HERC4: variants seen among roughly 807,000 people sequenced by gnomAD.
HERC4 encodes HECT and RLD domain containing E3 ubiquitin protein ligase 4.
HERC4 carries 28 observed loss-of-function variants against 124.3 expected under a neutral mutation model. That is an observed-to-expected ratio of 0.23 (90% CI 0.17 to 0.31). The LOEUF (loss-of-function observed/expected upper bound fraction) is 0.31, where lower values mean the gene tolerates loss of function less well. Among genes scored for constraint, HERC4 ranks in the 10% least tolerant of loss-of-function variants. The pLI is 1.00. For missense variants in HERC4, 713 were observed against 1,229.3 expected, an observed-to-expected ratio of 0.58 and a Z score of 6.28; for synonymous variants, 407 against 421.5, an observed-to-expected ratio of 0.97 and a Z score of 0.42.
chr10:68,069,097 A>C, intron 3 of HERC4: 2 of 983,178 alleles, frequency 2.0e-6, no homozygotes, highest in Non-Finnish European at 2.4e-6. Flanking sequence ...TCAATGTGCA[A>C]AACATAACCA....
chr10:67,986,421 C>G (rs548049555), intron 15 of HERC4, among the ~76,000 whole-genome samples: 12 of 152,280 alleles, frequency 7.9e-5, no homozygotes, highest in African/African-American at 2.4e-4. Flanking sequence ...GGTATGATCT[C>G]AGCTCACTGC....
Position 67,991,203 on chromosome 10 carries a change from A to G in HERC4, c.1272-4T>C. The G allele has an allele frequency of 1.3e-6, 2 of 1,507,320 alleles. No individual in the cohort carries two copies. Among genetic ancestry groups the G allele is most frequent in the Non-Finnish European group, 1.8e-6 (2 of 1,125,042 alleles). 93.4% of individuals were successfully genotyped at this position (1,507,320 alleles called of 1,614,324 possible). A position where few individuals can be genotyped will look rare whatever the true frequency, so the allele number is the denominator to read the frequency against. Reference sequence around the variant, plus strand: ...AGAAAACGTTCCATCTATCTCACTAAAAAATTTAAAAAAGTTTTTTTAATC... The same window carrying G: ...AGAAAACGTTCCATCTATCTCACTAGAAAATTTAAAAAAGTTTTTTTAATC... On this transcript the variant is annotated splice_polypyrimidine_tract_variant and splice_region_variant and intron_variant, in intron 11 of 24. Coordinates refer to ENST00000373700, the MANE Select transcript of HERC4 (RefSeq NM_015601.4).
In HERC4 at chr10:68,039,278, C is replaced by T. The variant is rs1218743271; in HGVS notation, c.387-1109G>A. 39 of 1,128,386 alleles carry T rather than the reference C, an allele frequency of 3.5e-5. 1 individual carries two copies. In the East Asian group the frequency reaches 8.0e-4, roughly 23 times the overall value. 69.9% of individuals were successfully genotyped at this position (1,128,386 alleles called of 1,614,324 possible). On this transcript the variant is annotated intron_variant, in intron 4 of 24. Transcript: ENST00000373700. Reference sequence around the variant, plus strand: ...CTGCAGTGAGCCAAGATCACACCATCGCACTCCAGAATGGGCGATAGAGTA... The same window carrying T: ...CTGCAGTGAGCCAAGATCACACCATTGCACTCCAGAATGGGCGATAGAGTA...
chr10:68,065,391 A>G (rs1269687928), intron 3 of HERC4, among the ~76,000 whole-genome samples: 2 of 152,210 alleles, frequency 1.3e-5, no homozygotes, highest in East Asian at 1.9e-4. Context: ...TAATTAATAT[A>G]TTTTCAAATA....
chr10:68,012,967 T>G (rs750104101), intron 9 of HERC4, among the ~76,000 whole-genome samples: 1 of 152,216 alleles, frequency 6.6e-6, no homozygotes, highest in Non-Finnish European at 1.5e-5. Flanking sequence ...ACTATTGCAA[T>G]TGTTTGGATG....
chr10:67,951,430 T>A (rs2033783695), intron 19 of HERC4, among the ~76,000 whole-genome samples: 1 of 152,204 alleles, frequency 6.6e-6, no homozygotes, highest in Admixed American at 6.5e-5. Flanking sequence ...TAAACCCACA[T>A]CCATATGGCA....
intron 7 of HERC4, among the ~76,000 whole-genome samples, chr10:68,026,028 A>C (rs557660452): frequency 1.6e-4 from 24 of 152,258 alleles, no homozygotes; most frequent in Non-Finnish European, 3.4e-4. Flanking sequence ...CAAGGTAGTT[A>C]CTGCCTTACA....
chr10:68,064,283 G>A (rs1360649704), intron 3 of HERC4, among the ~76,000 whole-genome samples: 5 of 151,908 alleles, frequency 3.3e-5, no homozygotes, highest in East Asian at 1.9e-4. Context: ...GCCGGGTGCC[G>A]TGGCTCAGGC....
intron 9 of HERC4, chr10:68,010,985 C>T (rs972363648): frequency 2.6e-5 from 21 of 803,470 alleles, no homozygotes; most frequent in Non-Finnish European, 4.2e-5. Flanking sequence ...TTAAGTTCTT[C>T]GAATGAAGTC....
At chr10:68,028,404 C>T (rs926077962) in intron 7 of HERC4, among the ~76,000 whole-genome samples, 2 of 152,120 alleles carry the variant, frequency 1.3e-5, no homozygotes, top group African/African-American at 4.8e-5. Flanking sequence ...TATTTCTTCT[C>T]GATATCCAGT....
chr10:68,038,487 C>T (rs1342007639), intron 4 of HERC4: 3 of 182,002 alleles, frequency 1.6e-5, no homozygotes, highest in East Asian at 1.4e-4. Flanking sequence ...ATTATAAAAA[C>T]GTGTTTTTAA....
chr10:68,028,808 T>C (rs1383412013), intron 7 of HERC4, among the ~76,000 whole-genome samples: 1 of 152,208 alleles, frequency 6.6e-6, no homozygotes, highest in African/African-American at 2.4e-5. Context: ...TATAATACAG[T>C]AAAATAACTA....
intron 3 of HERC4, among the ~76,000 whole-genome samples, chr10:68,049,423 G>C (rs2040175487): frequency 6.6e-6 from 1 of 151,606 alleles, no homozygotes; most frequent in Non-Finnish European, 1.5e-5. Context: ...CAGGACTTTG[G>C]GAGGCTGAGG....
intron 10 of HERC4, 134 bp downstream of exon 10, chr10:67,992,472 A>G: frequency 8.5e-7 from 1 of 1,180,470 alleles, no homozygotes; most frequent in African/African-American, 1.6e-5. Flanking sequence ...ATCAGAAAAA[A>G]CTTATTCTGT....
chr10:67,979,535 G>A (rs1163665918), intron 15 of HERC4, among the ~76,000 whole-genome samples: 1 of 152,082 alleles, frequency 6.6e-6, no homozygotes, highest in Non-Finnish European at 1.5e-5. Context: ...TTAATTCAAA[G>A]AGATAATGAC....
At chr10:67,970,472 A>C (rs1298217671) in intron 15 of HERC4, among the ~76,000 whole-genome samples, 1 of 152,130 alleles carries the variant, frequency 6.6e-6, no homozygotes, top group Non-Finnish European at 1.5e-5. Context: ...CATGCCTGTA[A>C]TCCCAGCAAC....
At chr10:68,036,110 C>G (rs1292952406) in intron 5 of HERC4, among the ~76,000 whole-genome samples, 14 of 151,610 alleles carry the variant, frequency 9.2e-5, no homozygotes, top group Non-Finnish European at 2.9e-5. Context: ...GTCAGGAGAT[C>G]GAGACCATCC....
At chr10:67,988,527 G>C in intron 15 of HERC4, 136 bp downstream of exon 15, 1 of 568,162 alleles carries the variant, frequency 1.8e-6, no homozygotes, top group Non-Finnish European at 2.9e-6. Flanking sequence ...AGAAAGTATA[G>C]ATAACTTTTC....
rs1236573287 is a variant in HERC4 at position 68,059,837 on chromosome 10, TTATAA to T, written c.226+13041_226+13045del. On this transcript the variant is annotated intron_variant, in intron 3 of 24. Coordinates refer to ENST00000373700, the MANE Select transcript of HERC4 (RefSeq NM_015601.4). ...ATATTATATATCATAATATTATATA[TTATAA>T]TATATTATATATCATAATATTATAT... 6.5e-3 allele frequency among the ~76,000 whole-genome samples: 371 copies of T among 56,838 alleles called. 55 individuals carry two copies. In the African/African-American group the frequency reaches 0.078, roughly 12 times the overall value. The allele number at this position is 56,838 out of a possible 152,430, so 37.3% of individuals were successfully genotyped here.
Sources: gnomAD v4.1 joint callset for allele counts (sites outside exome capture counted in the v4.1 genomes callset) on GRCh38, gnomAD v4.1.1 for gene constraint, MANE v1.5 for transcripts, NCBI Gene and HGNC (gene_info 2026-07-23, HGNC 2026-07-21) for gene names.